Variants in LRP6 observed in about 807,000 individuals in gnomAD.
LRP6 encodes low-density lipoprotein receptor-related protein 6.
In LRP6, 43 loss-of-function variants were observed where a neutral mutation model predicts 184.1. The ratio of observed to expected loss-of-function variants is 0.23; its 90% confidence interval spans 0.18 to 0.30. The LOEUF (loss-of-function observed/expected upper bound fraction) is 0.30. LRP6 is among the 10% of genes least tolerant of loss of function. The probability of loss-of-function intolerance (pLI) is 1.00; values close to 1 mark genes in which losing one functional copy is unlikely to be tolerated. For missense variants in LRP6, 1,571 were observed against 2,005.3 expected, an observed-to-expected ratio of 0.78 and a Z score of 4.14; for synonymous variants, 719 against 684.9, an observed-to-expected ratio of 1.05 and a Z score of -0.78.
At chr12:12,162,727 G>A (rs1862769441) in intron 9 of LRP6, among the ~76,000 whole-genome samples, 1 of 152,162 alleles carries the variant, frequency 6.6e-6, no homozygotes, top group Non-Finnish European at 1.5e-5. Flanking sequence ...TGGAAAAGCT[G>A]TGACCACAAT....
intron 9 of LRP6, among the ~76,000 whole-genome samples, chr12:12,163,331 T>G (rs1190113207): frequency 6.6e-6 from 1 of 152,104 alleles, no homozygotes; most frequent in African/African-American, 2.4e-5. Context: ...CAAACCAAAA[T>G]TTATTTATTT....
intron 15 of LRP6, among the ~76,000 whole-genome samples, chr12:12,141,185 G>C (rs942038781): frequency 9.2e-5 from 14 of 151,538 alleles, no homozygotes; most frequent in African/African-American, 3.1e-4. Context: ...GAAAGGGGAA[G>C]AGGAAAGGGC....
intron 2 of LRP6, among the ~76,000 whole-genome samples, chr12:12,222,797 C>A (rs1246183036): frequency 6.6e-6 from 1 of 152,066 alleles, no homozygotes; most frequent in African/African-American, 2.4e-5. Flanking sequence ...AACCAAAATA[C>A]TATCTTTCCT....
chr12:12,222,095 G>C (rs1228036823), intron 2 of LRP6, among the ~76,000 whole-genome samples: 1 of 152,076 alleles, frequency 6.6e-6, no homozygotes, highest in African/African-American at 2.4e-5. Flanking sequence ...CTACAAATTG[G>C]GAAGGGGGAT....
chr12:12,207,046 TG>T (rs1379271778), intron 2 of LRP6, among the ~76,000 whole-genome samples: 1 of 152,202 alleles, frequency 6.6e-6, no homozygotes, highest in Non-Finnish European at 1.5e-5. Flanking sequence ...ATAAGAACTG[TG>T]GTATTTTAGC....
At chr12:12,262,285 A>T (rs1865633984) in intron 1 of LRP6, among the ~76,000 whole-genome samples, 1 of 152,214 alleles carries the variant, frequency 6.6e-6, no homozygotes, top group Non-Finnish European at 1.5e-5. Context: ...AGGCTGAAAC[A>T]GGAGAATTGC....
At chr12:12,234,224 T>C (rs570140458) in intron 2 of LRP6, among the ~76,000 whole-genome samples, 1 of 151,520 alleles carries the variant, frequency 6.6e-6, no homozygotes, top group South Asian at 2.1e-4. Flanking sequence ...GAGGCGGAGG[T>C]TGCCGTGAGC....
chr12:12,160,777 G>C (rs1407824816), intron 10 of LRP6, among the ~76,000 whole-genome samples: 1 of 152,216 alleles, frequency 6.6e-6, no homozygotes, highest in African/African-American at 2.4e-5. Context: ...GACAGAGCTA[G>C]AACTAGAACC....
chr12:12,240,000 A>C (rs1236172969), intron 2 of LRP6, among the ~76,000 whole-genome samples: 1 of 151,930 alleles, frequency 6.6e-6, no homozygotes, highest in Non-Finnish European at 1.5e-5. Flanking sequence ...ATATTAAAAA[A>C]AAAAAAACCC....
At chr12:12,138,688 T>C (rs1041903448) in intron 15 of LRP6, 154 bp from the exon 16 acceptor site, 2 of 1,335,810 alleles carry the variant, frequency 1.5e-6, no homozygotes, top group South Asian at 1.4e-5. Flanking sequence ...TGGTAAGACA[T>C]ACACTAGAAA....
intron 9 of LRP6, among the ~76,000 whole-genome samples, chr12:12,162,692 C>T (rs1591902180): frequency 6.6e-6 from 1 of 152,120 alleles, no homozygotes; most frequent in South Asian, 2.1e-4. Flanking sequence ...AATGACTTTA[C>T]TTTTAAAATT....
chr12:12,173,345 T>C (rs1301694809), intron 7 of LRP6, among the ~76,000 whole-genome samples: 1 of 152,114 alleles, frequency 6.6e-6, no homozygotes. Context: ...CTAAAATAAA[T>C]TCTTTTGTTT....
chr12:12,158,897 G>A lies in LRP6; in HGVS notation c.2723C>T (p.Pro908Leu). The A allele has an allele frequency of 6.2e-7, 1 of 1,614,144 alleles. No individual in the cohort carries two copies. Among genetic ancestry groups the A allele is most frequent in the Non-Finnish European group, 8.5e-7 (1 of 1,180,024 alleles). Reference sequence around the variant, plus strand: ...GCATCCACAAACAAAACCCCCAACTGGCACAGCCAAGCAGAGGTGGGAGCA... The same window carrying A: ...GCATCCACAAACAAAACCCCCAACTAGCACAGCCAAGCAGAGGTGGGAGCA... The part of the protein sequence containing the change: ...GHCSHLCLAV[P>L]VGGFVCGCPA... Residue 908 changes from proline (P) to leucine (L), a missense_variant, in exon 12 of 23, where the codon CCA (proline) becomes CTA (leucine). By Grantham distance (98) the Pro-to-Leu change is moderately conservative. Transcript: ENST00000261349.
At chr12:12,187,400 C>T (rs1863502360) in intron 3 of LRP6, 3 of 442,318 alleles carry the variant, frequency 6.8e-6, no homozygotes, top group Non-Finnish European at 8.3e-6. Context: ...GAGAGCACTG[C>T]TTTTTCATTG....
At chr12:12,158,246 C>T (rs1382110947) in intron 12 of LRP6, among the ~76,000 whole-genome samples, 1 of 152,140 alleles carries the variant, frequency 6.6e-6, no homozygotes, top group Non-Finnish European at 1.5e-5. Context: ...AATGTTCTTC[C>T]CTTCCTTTAC....
At chr12:12,151,214 TA>T (rs1175888571) in intron 12 of LRP6, among the ~76,000 whole-genome samples, 176 bp from the exon 13 acceptor site, 1 of 152,186 alleles carries the variant, frequency 6.6e-6, no homozygotes, top group Non-Finnish European at 1.5e-5. Context: ...AGAGTAACAC[TA>T]ATCAGCTCTC....
rs1865142287 is a variant in LRP6 at position 12,244,670 on chromosome 12, G to T, written c.56-15C>A. 6.2e-7 allele frequency: 1 copy of T among 1,612,572 alleles called. No homozygotes were observed. On this transcript the variant is annotated splice_polypyrimidine_tract_variant and intron_variant, in intron 1 of 22. Coordinates refer to ENST00000261349, the MANE Select transcript of LRP6 (RefSeq NM_002336.3). Reference sequence around the variant, plus strand: ...CAAAGGGGCCGCTAGAACAAAAAAAGAAAAATATGTAAGTGAAAAGGAAGA... The same window carrying T: ...CAAAGGGGCCGCTAGAACAAAAAAATAAAAATATGTAAGTGAAAAGGAAGA...
At chr12:12,169,027 G>A (rs1361818750) in intron 7 of LRP6, among the ~76,000 whole-genome samples, 4 of 152,078 alleles carry the variant, frequency 2.6e-5, no homozygotes, top group Admixed American at 2.0e-4. Context: ...TCAGGAGTTC[G>A]AGACTAGCCT....
At chr12:12,182,611 A>T (rs1441212017) in intron 5 of LRP6, among the ~76,000 whole-genome samples, 1 of 152,246 alleles carries the variant, frequency 6.6e-6, no homozygotes, top group East Asian at 1.9e-4. Flanking sequence ...CAAGTCAAAA[A>T]ACTGAGAAGA....
Sources: gnomAD v4.1 joint callset for allele counts (sites outside exome capture counted in the v4.1 genomes callset) on GRCh38, gnomAD v4.1.1 for gene constraint, MANE v1.5 for transcripts, NCBI Gene and HGNC (gene_info 2026-07-23, HGNC 2026-07-21) for gene names.